C16orf46: variants seen among roughly 807,000 people sequenced by gnomAD.
C16orf46 encodes the protein chromosome 16 open reading frame 46.
A neutral mutation model predicts 5.5 loss-of-function variants in C16orf46; 7 were observed. The observed-to-expected ratio is 1.28, with a 90% CI of 0.73 to 2.40. C16orf46 has a LOEUF of 2.40. Ranked by LOEUF, C16orf46 falls within the 30% of genes most tolerant of loss-of-function variation. The pLI is 0.00. For missense variants in C16orf46, 614 were observed against 476.0 expected, an observed-to-expected ratio of 1.29 and a Z score of -2.70; for synonymous variants, 200 against 184.1, an observed-to-expected ratio of 1.09 and a Z score of -0.70.
chr16:81,061,118 C>T lies in C16orf46; in HGVS notation c.*43G>A, dbSNP rs746446446. The stretch of plus-strand genomic sequence containing the variant: ...AGAGAAGAAAGAGAAAGGATGGCTG[C>T]ATCTCAAACGGTGCTTATTCCCAGG... On this transcript the variant is annotated 3_prime_UTR_variant, in exon 4 of 4. Coordinates refer to ENST00000299578, the MANE Select transcript of C16orf46 (RefSeq NM_152337.3). The T allele has an allele frequency of 2.0e-6, 3 of 1,530,976 alleles. No individual in the cohort carries two copies. In the South Asian group the frequency reaches 3.9e-5, roughly 20 times the overall value. The allele number at this position is 1,530,976 out of a possible 1,614,324, so 94.8% of individuals were successfully genotyped here. A position where few individuals can be genotyped will look rare whatever the true frequency, so the allele number is the denominator to read the frequency against.
intron 3 of C16orf46, among the ~76,000 whole-genome samples, chr16:81,055,824 G>A (rs968575279): frequency 1.3e-5 from 2 of 152,142 alleles, no homozygotes. Flanking sequence ...GGGTTCAAGC[G>A]ACTCTCCTGC....
At position 81,054,211 on chromosome 16, in the gene C16orf46, CT is replaced by C. The variant is rs149340029; in HGVS notation, c.1144-118del. ...AGGATATTCAACCATGAAGACTGCC[CT>C]CAATAACTTTTTCCTTGGTAGATGA... is the stretch of plus-strand genomic sequence containing the variant. On this transcript the variant is annotated intron_variant, in intron 3 of 3. Coordinates refer to the C16orf46 transcript ENST00000378611. 1.5e-4 allele frequency: 125 copies of C among 837,038 alleles called. 2 individuals carry two copies. The East Asian group carries it at 3.3e-3, about 22-fold the overall frequency. The allele number at this position is 837,038 out of a possible 1,614,324, so 51.9% of individuals were successfully genotyped here.
downstream of C16orf46, among the ~76,000 whole-genome samples, chr16:81,058,413 C>T (rs1354539332): frequency 6.6e-6 from 1 of 152,144 alleles, no homozygotes; most frequent in African/African-American, 2.4e-5. Flanking sequence ...AAATTCAGTA[C>T]AAGAGTCATG....
chr16:81,057,055 T>G (rs1396015092), downstream of C16orf46, among the ~76,000 whole-genome samples: 1 of 152,062 alleles, frequency 6.6e-6, no homozygotes, highest in African/African-American at 2.4e-5. Flanking sequence ...GCATCTAATA[T>G]GTCAAGGCCA....
intron 1 of C16orf46, among the ~76,000 whole-genome samples, chr16:81,068,535 G>C (rs889756447): frequency 6.6e-6 from 1 of 150,818 alleles, no homozygotes; most frequent in Non-Finnish European, 1.5e-5. Flanking sequence ...TATGCCATAT[G>C]GTACAGAAAG....
In C16orf46 at chr16:81,054,179, T is replaced by A. The variant is rs371979548; in HGVS notation, c.1144-85A>T. 4.2e-4 allele frequency: 571 copies of A among 1,348,110 alleles called. 1 individual carries two copies. In the Middle Eastern group the frequency reaches 0.01, roughly 25 times the overall value. The allele number at this position is 1,348,110 out of a possible 1,614,324, so 83.5% of individuals were successfully genotyped here. ...GGCAGAAGTCAATGCATCTGAATTA[T>A]GACAAAAGGATATTCAACCATGAAG... On this transcript the variant is annotated intron_variant, in intron 3 of 3. Transcript: ENST00000378611.
rs1463571257 is a variant in C16orf46, at chr16:81,061,914, C to T, written c.435G>A (p.Arg145=). ...TGGGAAAGCAGATGTCGCTAATTGC[C>T]CTGGAAGCAGTGCTGGGGCCCTGGG... is the stretch of plus-strand genomic sequence containing the variant. ...AAPQGPSTAS[R]AISDICFPTY... is the part of the protein sequence containing the mutation. The change falls in exon 4 of 4, where the codon AGG becomes AGA. Residue 145 remains arginine, a synonymous_variant. Transcript: ENST00000299578. 6.2e-7 allele frequency: 1 copy of T among 1,614,178 alleles called. No individual in the cohort carries two copies. Among genetic ancestry groups the T allele is most frequent in the Admixed American group, 1.7e-5 (1 of 60,020 alleles).
chr16:81,061,346 A>G lies in C16orf46; in HGVS notation c.1003T>C (p.Tyr335His), dbSNP rs10459872. 146,554 of 1,613,970 alleles carry G rather than the reference A, an allele frequency of 0.091. 7,444 individuals carry two copies. Among genetic ancestry groups the G allele is most frequent in the East Asian group, 0.2 (9,076 of 44,856 alleles). Residue 335 changes from tyrosine (Y) to histidine (H), a missense_variant, in exon 4 of 4, where the codon TAC becomes CAC. Tyr to His is a moderately conservative substitution (Grantham distance 83). Coordinates refer to ENST00000299578, the MANE Select transcript of C16orf46 (RefSeq NM_152337.3). The part of the protein sequence containing the change: ...QLLQKRGVQS[Y>H]KSKFKAKEPR... ...TCCTTGGCTTTGAATTTGGATTTGTAGCTTTGCACTCCCCGTTTCTGCAGA... is the reference window on the plus strand; with the variant it reads ...TCCTTGGCTTTGAATTTGGATTTGTGGCTTTGCACTCCCCGTTTCTGCAGA...
At chr16:81,069,968 C>T (rs1567578830) in intron 1 of C16orf46, 1 of 151,584 alleles carries the variant, frequency 6.6e-6, no homozygotes, top group Non-Finnish European at 1.5e-5. Context: ...ACTAAAAATA[C>T]AAAAAAAATT....
intron 1 of C16orf46, 133 bp from the exon 2 acceptor site, chr16:81,066,414 A>T (rs902691608): frequency 1.3e-5 from 2 of 152,012 alleles, no homozygotes; most frequent in African/African-American, 2.4e-5. Context: ...ATCTCAACTC[A>T]CTGCAACCTC....
chr16:81,059,045 A>T (rs1597137022), downstream of C16orf46, among the ~76,000 whole-genome samples: 2 of 152,212 alleles, frequency 1.3e-5, no homozygotes, highest in South Asian at 4.1e-4. Flanking sequence ...TGGGAAGAGG[A>T]CTTGGATTCT....
chr16:81,055,119 T>C (rs548027418), intron 3 of C16orf46, among the ~76,000 whole-genome samples: 16 of 152,326 alleles, frequency 1.1e-4, no homozygotes, highest in Admixed American at 3.9e-4. Flanking sequence ...GAGGATTTCG[T>C]TGAACAGCCA....
intron 3 of C16orf46, among the ~76,000 whole-genome samples, chr16:81,054,463 A>G (rs563200501): frequency 2.0e-5 from 3 of 147,886 alleles, no homozygotes; most frequent in Non-Finnish European, 4.5e-5. Context: ...TTTAGAGTTA[A>G]TACTATTAAT....
At position 81,073,218 on chromosome 16, in the gene C16orf46, G is replaced by A. The variant is rs149951573; in HGVS notation, c.-128+3918C>T. Among the ~76,000 whole-genome samples, 310 of 152,308 alleles carry A rather than the reference G, an allele frequency of 2.0e-3. 2 individuals carry two copies. The highest frequency in any genetic ancestry group is 7.2e-3 in the African/African-American group (300 of 41,564). ...GTAGTTATTACCCTGTGTAAAGCCAGATTGGTATGTACCATAAATTCAGGC... is the reference window on the plus strand; with the variant it reads ...GTAGTTATTACCCTGTGTAAAGCCAAATTGGTATGTACCATAAATTCAGGC... On this transcript the variant is annotated intron_variant, in intron 1 of 3. Coordinates refer to ENST00000299578, the MANE Select transcript of C16orf46 (RefSeq NM_152337.3).
intron 1 of C16orf46, among the ~76,000 whole-genome samples, chr16:81,068,616 T>A (rs1318041038): frequency 6.8e-6 from 1 of 146,724 alleles, no homozygotes; most frequent in Non-Finnish European, 1.5e-5. Flanking sequence ...ACCAGGCTGG[T>A]CTCAAACTCC....
chr16:81,070,732 T>G (rs535290519), intron 1 of C16orf46, among the ~76,000 whole-genome samples: 3 of 152,150 alleles, frequency 2.0e-5, no homozygotes, highest in African/African-American at 7.2e-5. Flanking sequence ...TTGTTGCCCA[T>G]GCTGGAGTGC....
intron 1 of C16orf46, among the ~76,000 whole-genome samples, chr16:81,070,952 A>G (rs1217337084): frequency 6.6e-6 from 1 of 151,798 alleles, no homozygotes; most frequent in Non-Finnish European, 1.5e-5. Context: ...AGGGGCACAG[A>G]CTCTTCTTCT....
intron 1 of C16orf46, among the ~76,000 whole-genome samples, chr16:81,068,565 A>AT (rs33943128): frequency 0.16 from 21,146 of 131,234 alleles, 2,040 homozygotes; most frequent in Middle Eastern, 0.21. Context: ...ATTTCTTTGT[A>AT]TTTTTTTTTT....
chr16:81,075,688 A>T (rs1255520383), intron 1 of C16orf46, among the ~76,000 whole-genome samples: 3 of 152,258 alleles, frequency 2.0e-5, no homozygotes, highest in Non-Finnish European at 4.4e-5. Flanking sequence ...AGCAGGAAAA[A>T]TTTCTGGGGT....
Sources: gnomAD v4.1 joint callset for allele counts (sites outside exome capture counted in the v4.1 genomes callset) on GRCh38, gnomAD v4.1.1 for gene constraint, MANE v1.5 for transcripts, NCBI Gene and HGNC (gene_info 2026-07-23, HGNC 2026-07-21) for gene names.